PTGR3: variants seen among roughly 807,000 people sequenced by gnomAD.
PTGR3 encodes zinc binding alcohol dehydrogenase domain containing 2.
At chr18:75,202,372 G>T in the PTGR3 span, 18 of 1,581,678 alleles carry the variant, frequency 1.1e-5, no homozygotes, top group South Asian at 2.1e-4. Flanking sequence ...AATATGTTAC[G>T]ATGGGTTTTT....
At chr18:75,205,811 G>GA in the PTGR3 span, among the ~76,000 whole-genome samples, 3 of 151,506 alleles carry the variant, frequency 2.0e-5, no homozygotes, top group African/African-American at 7.3e-5. Context: ...AAGCGGGGGG[G>GA]AGGGGGTGGG....
chr18:75,203,748 A>AT, the PTGR3 span, among the ~76,000 whole-genome samples: 1,014 of 149,552 alleles, frequency 6.8e-3, 9 homozygotes, highest in African/African-American at 0.023. Flanking sequence ...CCTACGTTCT[A>AT]TTTTTTTTTT....
the PTGR3 span, chr18:75,198,382 C>G: frequency 1.3e-5 from 2 of 152,186 alleles, no homozygotes; most frequent in Admixed American, 1.3e-4. Flanking sequence ...TAGATAAACA[C>G]AGAATGTAAT....
chr18:75,200,617 T>A, the PTGR3 span: 1 of 152,144 alleles, frequency 6.6e-6, no homozygotes, highest in Non-Finnish European at 1.5e-5. Flanking sequence ...CCACTGAGAA[T>A]GGAGCGCACA....
the PTGR3 span, among the ~76,000 whole-genome samples, chr18:75,208,117 G>C: frequency 6.6e-6 from 1 of 152,162 alleles, no homozygotes; most frequent in Admixed American, 6.5e-5. Context: ...GCGGGGAATG[G>C]AAAAGCCAGA....
the PTGR3 span, chr18:75,205,564 C>G: frequency 2.3e-6 from 2 of 869,920 alleles, no homozygotes; most frequent in South Asian, 1.1e-4. Context: ...GTGCTAAACC[C>G]CCTCGTCATG....
the PTGR3 span, among the ~76,000 whole-genome samples, chr18:75,206,840 TG>T: frequency 6.6e-6 from 1 of 152,344 alleles, no homozygotes; most frequent in South Asian, 2.1e-4. Flanking sequence ...GCTCCAAACA[TG>T]GGAGTCTGCA....
At chr18:75,203,195 C>A in the PTGR3 span, among the ~76,000 whole-genome samples, 1 of 152,036 alleles carries the variant, frequency 6.6e-6, no homozygotes, top group African/African-American at 2.4e-5. Flanking sequence ...AATTTAATTG[C>A]GAGGCCAGTA....
At chr18:75,202,616 C>T in the PTGR3 span, among the ~76,000 whole-genome samples, 1 of 146,900 alleles carries the variant, frequency 6.8e-6, no homozygotes, top group South Asian at 2.2e-4. Context: ...TTGTTTGTTT[C>T]ACATTTTCAC....
chr18:75,196,820 T>C, the PTGR3 span: 1 of 152,124 alleles, frequency 6.6e-6, no homozygotes, highest in Non-Finnish European at 1.5e-5. Flanking sequence ...GGCAGGTCTA[T>C]AATGGGCAAG....
the PTGR3 span, chr18:75,201,236 T>C: frequency 8.5e-6 from 5 of 587,254 alleles, no homozygotes; most frequent in East Asian, 5.7e-5. Flanking sequence ...GCACATTTTT[T>C]TTTTTCCCCC....
At chr18:75,206,794 AAG>A in the PTGR3 span, among the ~76,000 whole-genome samples, 36 of 152,320 alleles carry the variant, frequency 2.4e-4, no homozygotes, top group African/African-American at 8.2e-4. Flanking sequence ...GCAGGGAAAA[AAG>A]AGGCATGGAT....
At chr18:75,205,124 C>T in the PTGR3 span, 15 of 983,710 alleles carry the variant, frequency 1.5e-5, no homozygotes, top group South Asian at 9.4e-5. Flanking sequence ...GGGATCCCTG[C>T]TTTGACGCGG....
At chr18:75,204,954 C>T in the PTGR3 span, among the ~76,000 whole-genome samples, 1 of 152,192 alleles carries the variant, frequency 6.6e-6, no homozygotes, top group Non-Finnish European at 1.5e-5. Flanking sequence ...CATTTCTCAC[C>T]CCCGCTCTCC....
chr18:75,196,014 C>T, the PTGR3 span: 1 of 152,202 alleles, frequency 6.6e-6, no homozygotes, highest in Non-Finnish European at 1.5e-5. Context: ...CATGGACCTC[C>T]AGGGTTTCGG....
the PTGR3 span, chr18:75,208,566 G>A: frequency 9.8e-7 from 1 of 1,025,118 alleles, no homozygotes; most frequent in Non-Finnish European, 1.2e-6. Flanking sequence ...GGAGGGGGAG[G>A]AGGGAGGGCT....
the PTGR3 span, among the ~76,000 whole-genome samples, chr18:75,207,047 G>GA: frequency 5.3e-5 from 8 of 151,974 alleles, no homozygotes; most frequent in African/African-American, 1.4e-4. Context: ...ATCACAGGAG[G>GA]AAAAAAAACC....
the PTGR3 span, chr18:75,196,704 G>T: frequency 6.7e-6 from 1 of 148,638 alleles, no homozygotes; most frequent in East Asian, 2.0e-4. Flanking sequence ...AAGACGTATT[G>T]GTTTTCTCCA....
the PTGR3 span, chr18:75,198,189 G>A: frequency 6.6e-6 from 1 of 152,332 alleles, no homozygotes; most frequent in East Asian, 1.9e-4. Flanking sequence ...AGGTCCCTAA[G>A]GCAGGCATGT....
Sources: allele counts gnomAD v4.1 joint callset (sites outside exome capture counted in the v4.1 genomes callset), GRCh38; gene constraint gnomAD v4.1.1; transcripts MANE v1.5; gene names NCBI Gene and HGNC (gene_info 2026-07-23, HGNC 2026-07-21).